Variants in TRPM3 observed in about 807,000 individuals in gnomAD.
TRPM3 encodes long transient receptor potential channel 3.
TRPM3 carries 77 observed loss-of-function variants against 181.2 expected under a neutral mutation model. The ratio of observed to expected loss-of-function variants is 0.42; its 90% CI spans 0.35 to 0.51. The LOEUF (loss-of-function observed/expected upper bound fraction) is 0.51, where lower values mean the gene tolerates loss of function less well. Ranked by LOEUF, TRPM3 falls within the 20% of genes least tolerant of loss-of-function variation. The probability of loss-of-function intolerance (pLI) is 0.01; values close to 1 mark genes in which losing one functional copy is unlikely to be tolerated. For synonymous variants in TRPM3, 745 were observed against 796.4 expected (o/e 0.94, Z 1.09); for missense variants, 1,759 against 2,196.7 (o/e 0.80, Z 3.98).
At chr9:71,221,589 C>G (rs915432041) in intron 1 of TRPM3, among the ~76,000 whole-genome samples, 7 of 152,262 alleles carry the variant, frequency 4.6e-5, no homozygotes, top group African/African-American at 1.7e-4. Flanking sequence ...GGACCATCCA[C>G]AGTTGCAATG....
intron 6 of TRPM3, among the ~76,000 whole-genome samples, chr9:70,818,929 C>T (rs540903754): frequency 3.1e-4 from 47 of 152,118 alleles, no homozygotes; most frequent in African/African-American, 9.7e-4. Context: ...GGATTTAGGA[C>T]GCCAGAGCCT....
In TRPM3 at chr9:71,273,734, A is replaced by G. The variant is rs1047615935; in HGVS notation, c.183+172919T>C. ...AATGAATCTCTAAAAACGATGACAA[A>G]TGTATGCAACTTTTTAATGTTTGCT... On this transcript the variant is annotated intron_variant, in intron 1 of 24. Coordinates refer to the TRPM3 transcript ENST00000357533. Among the ~76,000 whole-genome samples the G allele has an allele frequency of 2.6e-5, 4 of 152,168 alleles. No homozygotes were observed. In the South Asian group the frequency reaches 8.3e-4, roughly 32 times the overall value.
At chr9:70,971,853 A>C (rs1227415809) in intron 1 of TRPM3, among the ~76,000 whole-genome samples, 1 of 152,056 alleles carries the variant, frequency 6.6e-6, no homozygotes, top group South Asian at 2.1e-4. Flanking sequence ...CAATATCATT[A>C]GTCATTAGGG....
chr9:71,213,472 T>G (rs1453286441), intron 1 of TRPM3, among the ~76,000 whole-genome samples: 1 of 152,234 alleles, frequency 6.6e-6, no homozygotes, highest in Non-Finnish European at 1.5e-5. Context: ...GAAAACATTT[T>G]ACAGCCTTGG....
At chr9:70,831,962 A>AATATATCT (rs1554730388) in intron 5 of TRPM3, among the ~76,000 whole-genome samples, 8 of 64,248 alleles carry the variant, frequency 1.2e-4, no homozygotes, top group East Asian at 9.3e-4. Flanking sequence ...GTACCCCATA[A>AATATATCT]ATATATATAT....
chr9:71,239,862 T>A (rs1297088586), intron 1 of TRPM3, among the ~76,000 whole-genome samples: 1 of 152,122 alleles, frequency 6.6e-6, no homozygotes, highest in Non-Finnish European at 1.5e-5. Flanking sequence ...AATATAAAAG[T>A]TGGACATTGA....
intron 1 of TRPM3, among the ~76,000 whole-genome samples, chr9:70,910,048 A>T (rs766422903): frequency 4.6e-5 from 7 of 152,206 alleles, no homozygotes; most frequent in Admixed American, 2.0e-4. Flanking sequence ...CAGCAATTCC[A>T]GTCCTAGGCA....
intron 1 of TRPM3, among the ~76,000 whole-genome samples, chr9:71,241,543 GT>G (rs2131968270): frequency 6.6e-6 from 1 of 151,980 alleles, no homozygotes; most frequent in Admixed American, 6.6e-5. Flanking sequence ...TATACCTAAT[GT>G]TAAATGACGA....
At chr9:70,745,413 C>T (rs552606499) in intron 8 of TRPM3, among the ~76,000 whole-genome samples, 20 of 152,192 alleles carry the variant, frequency 1.3e-4, no homozygotes, top group Admixed American at 5.9e-4. Flanking sequence ...AAAACTCATA[C>T]GGAAAACATT....
At chr9:70,814,813 C>T (rs1243467161) in intron 6 of TRPM3, among the ~76,000 whole-genome samples, 1 of 151,994 alleles carries the variant, frequency 6.6e-6, no homozygotes. Context: ...AACTCCTAGG[C>T]CCTGTGAATA....
chr9:70,813,656 T>C (rs1427753841), intron 6 of TRPM3, among the ~76,000 whole-genome samples: 2 of 152,052 alleles, frequency 1.3e-5, no homozygotes, highest in African/African-American at 4.8e-5. Flanking sequence ...GAAACTAAAA[T>C]AAAAATTAGA....
chr9:70,608,397 C>A (rs1281464456), intron 19 of TRPM3, among the ~76,000 whole-genome samples: 3 of 118,992 alleles, frequency 2.5e-5, no homozygotes, highest in African/African-American at 8.1e-5. Flanking sequence ...AATGTAAAAA[C>A]CATTCTCAGT....
intron 12 of TRPM3, among the ~76,000 whole-genome samples, chr9:70,634,811 A>C (rs2066588724): frequency 2.0e-5 from 3 of 152,152 alleles, no homozygotes. Context: ...ACTCTATGTA[A>C]TGCTAGATGT....
Position 71,304,640 on chromosome 9 carries a change from C to T in TRPM3, c.183+142013G>A, listed in dbSNP as rs77084635. Among the ~76,000 whole-genome samples, 467 of 152,248 alleles carry T rather than the reference C, an allele frequency of 3.1e-3. 2 individuals are homozygous for T. Among genetic ancestry groups the T allele is most frequent in the African/African-American group, 0.01 (435 of 41,558 alleles). On this transcript the variant is annotated intron_variant, in intron 1 of 24. Transcript: ENST00000357533. ...GCATCATAGACATGCCACATCACCACGCAAATGGAAAATAAAGTACTAAAA... is the reference window on the plus strand; with the variant it reads ...GCATCATAGACATGCCACATCACCATGCAAATGGAAAATAAAGTACTAAAA...
At chr9:70,605,018 G>A (rs1014910608) in intron 19 of TRPM3, among the ~76,000 whole-genome samples, 2 of 149,008 alleles carry the variant, frequency 1.3e-5, no homozygotes, top group African/African-American at 5.0e-5. Context: ...GTGCAGTGGT[G>A]CGATCTCGGC....
In TRPM3 at chr9:71,344,231, C is replaced by T. The variant is rs530813049; in HGVS notation, c.183+102422G>A. 4.6e-5 allele frequency among the ~76,000 whole-genome samples: 7 copies of T among 152,222 alleles called. No individual in the cohort carries two copies. In the South Asian group the frequency reaches 1.5e-3, roughly 32 times the overall value. ...TTGGGAGGCTGAGGAGGATAGATTACCTGAGGTCAAGAGTTCGAGACCAGC... is the reference window on the plus strand; with the variant it reads ...TTGGGAGGCTGAGGAGGATAGATTATCTGAGGTCAAGAGTTCGAGACCAGC... On this transcript the variant is annotated intron_variant, in intron 1 of 24. Coordinates refer to the TRPM3 transcript ENST00000357533.
chr9:70,779,922 T>A (rs2082145124), intron 7 of TRPM3, among the ~76,000 whole-genome samples: 1 of 152,192 alleles, frequency 6.6e-6, no homozygotes, highest in African/African-American at 2.4e-5. Context: ...TTCCAGGTAC[T>A]ATATGCCATA....
intron 6 of TRPM3, among the ~76,000 whole-genome samples, chr9:70,788,013 T>C (rs1246155120): frequency 6.6e-6 from 1 of 150,608 alleles, no homozygotes; most frequent in Non-Finnish European, 1.5e-5. Context: ...TGACTTTTTT[T>C]TTTTTTTTTT....
At chr9:70,931,808 A>G (rs2096777985) in intron 1 of TRPM3, among the ~76,000 whole-genome samples, 1 of 152,206 alleles carries the variant, frequency 6.6e-6, no homozygotes, top group Non-Finnish European at 1.5e-5. Flanking sequence ...GACTATGAGC[A>G]TATAATTGAT....
Sources: allele counts gnomAD v4.1 joint callset (sites outside exome capture counted in the v4.1 genomes callset), GRCh38; gene constraint gnomAD v4.1.1; transcripts MANE v1.5; gene names NCBI Gene and HGNC (gene_info 2026-07-23, HGNC 2026-07-21).